The following COL10A1 variants were observed in gnomAD, a reference collection of about 807,000 sequenced individuals.
COL10A1 encodes collagen type X alpha 1 chain, also known as collagen alpha-1(X) chain.
COL10A1 carries 10 observed loss-of-function variants against 18.2 expected under a neutral mutation model. That is an observed-to-expected ratio of 0.55 (90% CI 0.34 to 0.93). COL10A1 has a LOEUF of 0.93. Ranked by LOEUF, COL10A1 falls within the 40% of genes least tolerant of loss-of-function variation. The pLI, the probability that COL10A1 is intolerant of heterozygous loss-of-function variation, is 0.02. For missense variants in COL10A1, 897 were observed against 853.5 expected (o/e 1.05, Z -0.64); for synonymous variants, 330 against 316.6 (o/e 1.04, Z -0.45).
chr6:116,200,875 T>A, the COL10A1 span, among the ~76,000 whole-genome samples: 1 of 152,066 alleles, frequency 6.6e-6, no homozygotes, highest in Non-Finnish European at 1.5e-5. Flanking sequence ...AATCCACATA[T>A]GCTCCCTTCT....
chr6:116,154,567 T>A (rs1780133510), intron 1 of COL10A1, among the ~76,000 whole-genome samples: 1 of 152,146 alleles, frequency 6.6e-6, no homozygotes, highest in Non-Finnish European at 1.5e-5. Flanking sequence ...TTTGCTTTTT[T>A]AAAAAATGCT....
chr6:116,135,853 A>G (rs7453706), intron 1 of COL10A1, among the ~76,000 whole-genome samples: 5,577 of 120,964 alleles, frequency 0.046, 406 homozygotes, highest in African/African-American at 0.16. Context: ...ATATATATAT[A>G]TATATATATA....
At chr6:116,141,559 G>C (rs1779764046) in intron 1 of COL10A1, among the ~76,000 whole-genome samples, 1 of 151,842 alleles carries the variant, frequency 6.6e-6, no homozygotes, top group African/African-American at 2.4e-5. Context: ...GGTAGAGAAT[G>C]TTTCATTAAT....
the COL10A1 span, among the ~76,000 whole-genome samples, chr6:116,203,927 T>C: frequency 2.0e-5 from 3 of 151,952 alleles, no homozygotes; most frequent in Non-Finnish European, 4.4e-5. Context: ...ATAATTTACC[T>C]TTTAGAGAAC....
chr6:116,206,952 TTGAG>T, the COL10A1 span, among the ~76,000 whole-genome samples: 1 of 152,004 alleles, frequency 6.6e-6, no homozygotes, highest in Non-Finnish European at 1.5e-5. Flanking sequence ...TTCTTGTTTA[TTGAG>T]TAATTCTAGA....
At chr6:116,137,956 G>A (rs900982739) in intron 1 of COL10A1, among the ~76,000 whole-genome samples, 29 of 152,078 alleles carry the variant, frequency 1.9e-4, no homozygotes, top group African/African-American at 6.8e-4. Flanking sequence ...GTGTGTGTCT[G>A]TAATCCAAGC....
At chr6:116,158,229 G>GAT (rs1780247560) in intron 1 of COL10A1, among the ~76,000 whole-genome samples, 1 of 152,040 alleles carries the variant, frequency 6.6e-6, no homozygotes, top group African/African-American at 2.4e-5. Context: ...AGTGAGTGTA[G>GAT]ATCTGGGAGT....
At chr6:116,190,526 C>T in the COL10A1 span, among the ~76,000 whole-genome samples, 17 of 152,062 alleles carry the variant, frequency 1.1e-4, no homozygotes, top group Non-Finnish European at 2.4e-4. Flanking sequence ...CCCCCCACCT[C>T]CCATCACATT....
chr6:116,183,691 G>A, the COL10A1 span, among the ~76,000 whole-genome samples: 1 of 151,038 alleles, frequency 6.6e-6, no homozygotes, highest in East Asian at 2.0e-4. Context: ...TTCTTAATTT[G>A]TTCTCAGCTT....
chr6:116,169,124 T>G, the COL10A1 span, among the ~76,000 whole-genome samples: 3 of 152,186 alleles, frequency 2.0e-5, no homozygotes, highest in African/African-American at 7.2e-5. Flanking sequence ...GTGTTACTGC[T>G]AATTCCAGGC....
At chr6:116,128,604 T>C (rs1203871391), upstream of COL10A1, among the ~76,000 whole-genome samples, 1 of 152,204 alleles carries the variant, frequency 6.6e-6, no homozygotes, top group Non-Finnish European at 1.5e-5. Context: ...CTTATGTTTC[T>C]TAAGTGCTTC....
At chr6:116,164,834 C>A in the COL10A1 span, among the ~76,000 whole-genome samples, 282 of 152,120 alleles carry the variant, frequency 1.9e-3, 1 homozygote, top group African/African-American at 5.9e-3. Flanking sequence ...TAAAAAGATA[C>A]ACGCTTTGGG....
At chr6:116,130,599 A>C (rs149028474), upstream of COL10A1, among the ~76,000 whole-genome samples, 163 of 152,170 alleles carry the variant, frequency 1.1e-3, 1 homozygote, top group Middle Eastern at 6.8e-3. Flanking sequence ...AGGGATGCAC[A>C]TTGCTTCTGG....
chr6:116,144,942 T>C (rs1214605015), intron 1 of COL10A1, among the ~76,000 whole-genome samples: 3 of 152,204 alleles, frequency 2.0e-5, no homozygotes, highest in African/African-American at 7.2e-5. Flanking sequence ...TGTTCTAAAA[T>C]GTGCTAGTTG....
chr6:116,146,117 A>G (rs1779893255), intron 1 of COL10A1, among the ~76,000 whole-genome samples: 1 of 152,214 alleles, frequency 6.6e-6, no homozygotes, highest in Admixed American at 6.5e-5. Flanking sequence ...GTTACAGTTA[A>G]TACTAATGAA....
In COL10A1 at chr6:116,119,821, T is replaced by C. The variant is rs962722825; in HGVS notation, c.*252A>G. 1.2e-5 allele frequency: 5 copies of C among 413,710 alleles called. No homozygotes were observed. Among genetic ancestry groups the C allele is most frequent in the South Asian group, 1.1e-4 (2 of 18,082 alleles). The allele number at this position is 413,710 out of a possible 1,614,324, so 25.6% of individuals were successfully genotyped here. A position where few individuals can be genotyped will look rare whatever the true frequency, so the allele number is the denominator to read the frequency against. On this transcript the variant is annotated 3_prime_UTR_variant, in exon 3 of 3. Transcript: ENST00000651968. The stretch of plus-strand genomic sequence containing the variant: ...ACATAGCAGGACTTCTTTGGTGATA[T>C]TTTTTAATATTGGAGAAAACCTTAA...
upstream of COL10A1, among the ~76,000 whole-genome samples, chr6:116,127,091 A>T (rs994582655): frequency 7.2e-5 from 11 of 152,174 alleles, no homozygotes; most frequent in Non-Finnish European, 1.2e-4. Context: ...AATCAAATTG[A>T]CTATGCAGGT....
chr6:116,126,166 G>GT (rs1394776052), upstream of COL10A1: 5 of 152,234 alleles, frequency 3.3e-5, no homozygotes, highest in African/African-American at 7.2e-5. Context: ...TATTTATACT[G>GT]TTTTTCCCTT....
At chr6:116,183,410 A>G in the COL10A1 span, among the ~76,000 whole-genome samples, 32 of 152,188 alleles carry the variant, frequency 2.1e-4, no homozygotes, top group African/African-American at 7.7e-4. Flanking sequence ...TCTGTGAAGA[A>G]TGGTGGTAGT....
Sources: gnomAD v4.1 joint callset for allele counts (sites outside exome capture counted in the v4.1 genomes callset) on GRCh38, gnomAD v4.1.1 for gene constraint, MANE v1.5 for transcripts, NCBI Gene and HGNC (gene_info 2026-07-23, HGNC 2026-07-21) for gene names.